The following GRID2 variants were observed in gnomAD, a reference collection of about 807,000 sequenced individuals.
GRID2 encodes glutamate ionotropic receptor delta type subunit 2, also known as glutamate receptor ionotropic, delta-2.
In GRID2, 33 loss-of-function variants were observed where a neutral mutation model predicts 114.8. That is an observed-to-expected ratio of 0.29 (90% confidence interval 0.22 to 0.38). The LOEUF (loss-of-function observed/expected upper bound fraction) is 0.38, where lower values mean the gene tolerates loss of function less well. Ranked by LOEUF, GRID2 falls within the 10% of genes least tolerant of loss-of-function variation. GRID2 has a pLI of 1.00. For missense variants in GRID2, 1,184 were observed against 1,257.7 expected (o/e 0.94, Z 0.89); for synonymous variants, 505 against 449.9 (o/e 1.12, Z -1.55).
chr4:92,861,233 G>A (rs1744510549), intron 2 of GRID2, among the ~76,000 whole-genome samples: 1 of 151,924 alleles, frequency 6.6e-6, no homozygotes, highest in Admixed American at 6.6e-5. Flanking sequence ...ACAGTTCTGT[G>A]GGTCATAACT....
At chr4:92,448,534 A>C (rs2149076056) in intron 1 of GRID2, among the ~76,000 whole-genome samples, 1 of 152,280 alleles carries the variant, frequency 6.6e-6, no homozygotes, top group Non-Finnish European at 1.5e-5. Flanking sequence ...CAAATTAAGT[A>C]ACTAGCCCAG....
intron 4 of GRID2, among the ~76,000 whole-genome samples, chr4:93,191,042 TA>T (rs1375512090): frequency 2.6e-5 from 4 of 152,080 alleles, no homozygotes; most frequent in Non-Finnish European, 5.9e-5. Flanking sequence ...TGATCTGGCA[TA>T]ATTGCAAGTA....
chr4:93,133,511 T>C (rs1469452702), intron 4 of GRID2, among the ~76,000 whole-genome samples: 2 of 152,230 alleles, frequency 1.3e-5, no homozygotes, highest in African/African-American at 4.8e-5. Context: ...AAGACTTCAT[T>C]AACTAATCTG....
chr4:93,793,319 C>T (rs1490796494), intron 1 of GRID2, among the ~76,000 whole-genome samples: 1 of 152,104 alleles, frequency 6.6e-6, no homozygotes, highest in African/African-American at 2.4e-5. Flanking sequence ...AGATGCCCTC[C>T]TTCCCTAAGA....
At chr4:93,745,152 G>T (rs1220798524) in intron 14 of GRID2, among the ~76,000 whole-genome samples, 2 of 152,020 alleles carry the variant, frequency 1.3e-5, no homozygotes, top group Non-Finnish European at 2.9e-5. Context: ...CTGATGTATG[G>T]CTGTAATTGT....
At chr4:92,664,620 C>A (rs1222512784) in intron 2 of GRID2, among the ~76,000 whole-genome samples, 2 of 150,984 alleles carry the variant, frequency 1.3e-5, no homozygotes, top group Non-Finnish European at 1.5e-5. Context: ...TTGTTCTCTT[C>A]ATTATTAAGA....
chr4:92,392,775 T>C (rs958334458), intron 1 of GRID2, among the ~76,000 whole-genome samples: 16 of 152,170 alleles, frequency 1.1e-4, no homozygotes, highest in African/African-American at 3.9e-4. Flanking sequence ...CTAAAGACTA[T>C]ACTTTTTGAA....
At chr4:93,081,364 CAA>C (rs1025453696) in intron 2 of GRID2, among the ~76,000 whole-genome samples, 17 of 151,926 alleles carry the variant, frequency 1.1e-4, no homozygotes, top group African/African-American at 4.1e-4. Context: ...AGTAAGAAAA[CAA>C]AGACTCAAAA....
At chr4:93,355,445 G>C (rs1468042678) in intron 8 of GRID2, among the ~76,000 whole-genome samples, 1 of 152,034 alleles carries the variant, frequency 6.6e-6, no homozygotes, top group Non-Finnish European at 1.5e-5. Context: ...TACGTGGATT[G>C]GGTTTCTCAC....
chr4:92,749,491 T>G (rs1737333519), intron 2 of GRID2, among the ~76,000 whole-genome samples: 1 of 151,476 alleles, frequency 6.6e-6, no homozygotes, highest in African/African-American at 2.4e-5. Context: ...ATTTTTATAT[T>G]TTTAGTAGAG....
chr4:93,070,307 C>G (rs1049409617), intron 2 of GRID2, among the ~76,000 whole-genome samples: 1 of 151,982 alleles, frequency 6.6e-6, no homozygotes, highest in Non-Finnish European at 1.5e-5. Flanking sequence ...ATGCACTGTT[C>G]CATAGCTTTG....
At chr4:92,386,433 A>C (rs1729963765) in intron 1 of GRID2, among the ~76,000 whole-genome samples, 2 of 151,822 alleles carry the variant, frequency 1.3e-5, no homozygotes, top group South Asian at 4.1e-4. Flanking sequence ...TAAGCTGTCA[A>C]CATTCTCCAT....
intron 2 of GRID2, among the ~76,000 whole-genome samples, chr4:92,665,039 C>G (rs2149271763): frequency 6.7e-6 from 1 of 148,260 alleles, no homozygotes; most frequent in East Asian, 2.0e-4. Context: ...AAAGTAATTA[C>G]TGATAAGGAA....
intron 1 of GRID2, among the ~76,000 whole-genome samples, chr4:92,533,315 G>C (rs1407326995): frequency 1.3e-5 from 2 of 150,942 alleles, no homozygotes; most frequent in Non-Finnish European, 2.9e-5. Context: ...CATACACACA[G>C]AAAACTATAA....
At chr4:92,999,002 T>C (rs1219797625) in intron 2 of GRID2, among the ~76,000 whole-genome samples, 3 of 151,846 alleles carry the variant, frequency 2.0e-5, no homozygotes, top group African/African-American at 7.2e-5. Context: ...TTTTAAAATG[T>C]TCTTTGTGAC....
chr4:92,663,133 G>C (rs1378212631), intron 2 of GRID2, among the ~76,000 whole-genome samples: 1 of 151,000 alleles, frequency 6.6e-6, no homozygotes, highest in Admixed American at 6.6e-5. Flanking sequence ...GCTCAGCCTT[G>C]ATACAAGTGA....
intron 2 of GRID2, among the ~76,000 whole-genome samples, chr4:92,993,502 G>A (rs1236297954): frequency 2.0e-5 from 3 of 151,982 alleles, no homozygotes; most frequent in Admixed American, 6.6e-5. Flanking sequence ...TCAATATTGT[G>A]GAGTTATGCC....
chr4:92,541,923 T>C (rs1725985908), intron 1 of GRID2, among the ~76,000 whole-genome samples: 1 of 152,166 alleles, frequency 6.6e-6, no homozygotes, highest in Non-Finnish European at 1.5e-5. Flanking sequence ...GGAAGATTTC[T>C]AAAATATATT....
intron 1 of GRID2, among the ~76,000 whole-genome samples, chr4:92,483,548 C>T (rs1579444595): frequency 6.6e-6 from 1 of 152,100 alleles, no homozygotes; most frequent in African/African-American, 2.4e-5. Context: ...ATAAATATCA[C>T]TGGGACGATC....
Sources: allele counts gnomAD v4.1 joint callset (sites outside exome capture counted in the v4.1 genomes callset), GRCh38; gene constraint gnomAD v4.1.1; transcripts MANE v1.5; gene names NCBI Gene and HGNC (gene_info 2026-07-23, HGNC 2026-07-21).